Variants in OSTF1 observed in about 807,000 individuals in gnomAD.
OSTF1 encodes osteoclast stimulating factor 1, also known as osteoclast-stimulating factor 1.
Under a neutral mutation model 37.2 loss-of-function variants are expected in OSTF1, and 27 were observed. That is an observed-to-expected ratio of 0.73 (90% confidence interval 0.54 to 1.00). The LOEUF (loss-of-function observed/expected upper bound fraction) is 1.00. Among genes scored for constraint, OSTF1 ranks in the 50% least tolerant of loss-of-function variants. The pLI is 0.00. For synonymous variants in OSTF1, 82 were observed against 89.2 expected (o/e 0.92, Z 0.46); for missense variants, 232 against 253.8 (o/e 0.91, Z 0.58).
intron 1 of OSTF1, among the ~76,000 whole-genome samples, chr9:75,103,949 C>A (rs540498469): frequency 6.6e-6 from 1 of 152,310 alleles, no homozygotes; most frequent in African/African-American, 2.4e-5. Flanking sequence ...GCATTATGGG[C>A]TGGGCGTTAT....
chr9:75,102,491 T>C (rs1173050048), intron 1 of OSTF1, among the ~76,000 whole-genome samples: 1 of 152,248 alleles, frequency 6.6e-6, no homozygotes. Flanking sequence ...GAAATTTTTA[T>C]AAGACCTTTT....
chr9:75,094,099 TTTAA>T (rs1218744346), intron 1 of OSTF1, among the ~76,000 whole-genome samples: 1 of 152,230 alleles, frequency 6.6e-6, no homozygotes, highest in Non-Finnish European at 1.5e-5. Context: ...GAACAGAAGC[TTTAA>T]TTGAGTCCAT....
At chr9:75,088,789 T>C in intron 1 of OSTF1, 63 bp downstream of exon 1, 2 of 1,512,778 alleles carry the variant, frequency 1.3e-6, no homozygotes, top group African/African-American at 1.4e-5. Context: ...GCGCCTCCTC[T>C]GCAGCTTGGC....
intron 1 of OSTF1, 81 bp downstream of exon 1, chr9:75,088,807 AC>A: frequency 7.3e-7 from 1 of 1,376,182 alleles, no homozygotes; most frequent in Non-Finnish European, 1.0e-6. Flanking sequence ...GGCAGGGAGG[AC>A]CCGGCGCGCA....
chr9:75,115,706 G>T (rs1356375238), intron 1 of OSTF1, among the ~76,000 whole-genome samples: 3 of 147,772 alleles, frequency 2.0e-5, no homozygotes, highest in Non-Finnish European at 3.0e-5. Context: ...TACTGTTTGG[G>T]TTTGTTAATT....
chr9:75,129,898 G>A (rs1564165894), intron 3 of OSTF1, among the ~76,000 whole-genome samples: 1 of 152,076 alleles, frequency 6.6e-6, no homozygotes, highest in Non-Finnish European at 1.5e-5. Flanking sequence ...AATTATTGTT[G>A]GAAAAAACTT....
chr9:75,137,590 A>G lies in OSTF1; in HGVS notation c.461A>G (p.Asp154Gly). ...LHAAAWKGYADIVQLLLAKGA... is the reference protein window; with the variant it reads ...LHAAAWKGYAGIVQLLLAKGA... ...GCTGCTGCCTGGAAGGGTTATGCAG[A>G]TATCGTCCAGTTGCTTCTGGCAAAA... Residue 154 changes from aspartate to glycine, a missense_variant, in exon 8 of 10, where the codon GAT becomes GGT. Coordinates refer to ENST00000346234, the MANE Select transcript of OSTF1 (RefSeq NM_012383.5). 1.2e-6 allele frequency: 2 copies of G among 1,613,024 alleles called. No homozygotes were observed. The highest frequency in any genetic ancestry group is 1.1e-5 in the South Asian group (1 of 91,058).
At chr9:75,133,453 C>T in intron 6 of OSTF1, 52 bp downstream of exon 6, 1 of 1,045,522 alleles carries the variant, frequency 9.6e-7, no homozygotes, top group South Asian at 1.3e-5. Flanking sequence ...ATGTGTTTCA[C>T]CTACGGGAGC....
rs143699014 is a variant in OSTF1 at position 75,129,307 on chromosome 9, C to T, written c.133-1271C>T. ...TGACAACTGTTAAGGGAAAGAATCA[C>T]CATTTATTCTGTGTTTTCTTTATGA... On this transcript the variant is annotated intron_variant, in intron 3 of 9. Coordinates refer to ENST00000346234, the MANE Select transcript of OSTF1 (RefSeq NM_012383.5). Among the ~76,000 whole-genome samples the T allele has an allele frequency of 4.5e-3, 680 of 152,236 alleles. 4 individuals carry two copies. The highest frequency in any genetic ancestry group is 0.016 in the African/African-American group (652 of 41,546).
chr9:75,131,716 A>G, intron 4 of OSTF1, 54 bp from the exon 5 acceptor site: 1 of 1,384,882 alleles, frequency 7.2e-7, no homozygotes, highest in Non-Finnish European at 1.0e-6. Context: ...GGCTTCAGTA[A>G]ATCATTTGTG....
At chr9:75,091,503 A>G (rs756857137) in intron 1 of OSTF1, among the ~76,000 whole-genome samples, 2 of 152,172 alleles carry the variant, frequency 1.3e-5, no homozygotes, top group Non-Finnish European at 2.9e-5. Flanking sequence ...TCTTGTCACA[A>G]ATGCACATAA....
At chr9:75,136,758 G>A (rs956970298) in intron 7 of OSTF1, among the ~76,000 whole-genome samples, 1 of 152,114 alleles carries the variant, frequency 6.6e-6, no homozygotes, top group Non-Finnish European at 1.5e-5. Context: ...TGGCGGTTGG[G>A]CTTCTCCATA....
At chr9:75,127,741 G>A (rs1459024171) in intron 3 of OSTF1, 122 bp downstream of exon 3, 29 of 556,510 alleles carry the variant, frequency 5.2e-5, no homozygotes, top group Non-Finnish European at 8.3e-5. Flanking sequence ...GTTCATTTTA[G>A]CACAATTGAT....
intron 1 of OSTF1, among the ~76,000 whole-genome samples, chr9:75,113,530 C>T (rs1470255252): frequency 1.3e-5 from 2 of 151,724 alleles, no homozygotes; most frequent in African/African-American, 4.8e-5. Context: ...CTCACTGCAA[C>T]CTCCGCCTTC....
intron 8 of OSTF1, among the ~76,000 whole-genome samples, chr9:75,138,494 T>C (rs1318302555): frequency 6.6e-6 from 1 of 152,174 alleles, no homozygotes; most frequent in East Asian, 1.9e-4. Flanking sequence ...TGAATTGAGA[T>C]GTGCTGTAAG....
chr9:75,133,527 G>C, intron 6 of OSTF1, 126 bp downstream of exon 6: 1 of 609,980 alleles, frequency 1.6e-6, no homozygotes, highest in Non-Finnish European at 2.9e-6. Context: ...TTAGAATACC[G>C]GCCAAAACCC....
At position 75,127,551 on chromosome 9, in the gene OSTF1, CTT is replaced by C. The variant is rs747390671; in HGVS notation, c.82-9_82-8del. On this transcript the variant is annotated splice_polypyrimidine_tract_variant and intron_variant, in intron 2 of 9. Coordinates refer to ENST00000346234, the MANE Select transcript of OSTF1 (RefSeq NM_012383.5). ...TCATGAAAAATCACATGGAGTCAAA[CTT>C]TTTTTTTTCTTCTAGCCAGATGAAT... 2.2e-5 allele frequency: 31 copies of C among 1,398,470 alleles called. No homozygotes were observed. Among genetic ancestry groups the C allele is most frequent in the Admixed American group, 4.3e-5 (2 of 46,490 alleles). The allele number at this position is 1,398,470 out of a possible 1,614,324, so 86.6% of individuals were successfully genotyped here. A position where few individuals can be genotyped will look rare whatever the true frequency, so the allele number is the denominator to read the frequency against.
chr9:75,130,508 T>C (rs2295861), intron 3 of OSTF1, 70 bp from the exon 4 acceptor site: 752,154 of 1,009,252 alleles, frequency 0.75, 282,359 homozygotes, highest in African/African-American at 0.87. Context: ...CCCTAGGAGC[T>C]AGATAATTTG....
In OSTF1 at chr9:75,139,314, G is replaced by A. The variant is rs917007874; in HGVS notation, c.488-1520G>A. 2.6e-5 allele frequency among the ~76,000 whole-genome samples: 4 copies of A among 151,980 alleles called. 1 individual carries two copies. Among genetic ancestry groups the A allele is most frequent in the Admixed American group, 1.3e-4 (2 of 15,266 alleles). ...CTCCCAAAGTGCTGGGATTACAGGC[G>A]GATGAGCTACTGTGCTGGCCTATTT... On this transcript the variant is annotated intron_variant, in intron 8 of 9. Coordinates refer to ENST00000346234, the MANE Select transcript of OSTF1 (RefSeq NM_012383.5).
Sources: allele counts gnomAD v4.1 joint callset (sites outside exome capture counted in the v4.1 genomes callset), GRCh38; gene constraint gnomAD v4.1.1; transcripts MANE v1.5; gene names NCBI Gene and HGNC (gene_info 2026-07-23, HGNC 2026-07-21).